Variants in MNAT1 observed in about 807,000 individuals in gnomAD.
MNAT1 encodes CDK-activating kinase assembly factor MAT1.
Under a neutral mutation model 42.0 loss-of-function variants are expected in MNAT1, and 43 were observed. That is an observed-to-expected ratio of 1.02 (90% CI 0.80 to 1.32). The LOEUF (loss-of-function observed/expected upper bound fraction) is 1.32, where lower values mean the gene tolerates loss of function less well. Ranked by LOEUF, MNAT1 falls within the 40% of genes most tolerant of loss-of-function variation. The pLI, the probability that MNAT1 is intolerant of heterozygous loss-of-function variation, is 0.00. For synonymous variants in MNAT1, 118 were observed against 120.0 expected, an observed-to-expected ratio of 0.98 and a Z score of 0.11; for missense variants, 306 against 350.4, an observed-to-expected ratio of 0.87 and a Z score of 1.01.
intron 7 of MNAT1, among the ~76,000 whole-genome samples, chr14:60,942,329 AG>A (rs1276852814): frequency 6.6e-6 from 1 of 152,172 alleles, no homozygotes; most frequent in African/African-American, 2.4e-5. Flanking sequence ...GCCCTCAAGC[AG>A]TGCCCAGAAG....
At chr14:60,873,665 C>T (rs1372408600) in intron 6 of MNAT1, among the ~76,000 whole-genome samples, 3 of 142,372 alleles carry the variant, frequency 2.1e-5, no homozygotes, top group African/African-American at 5.2e-5. Context: ...GTAGAGATGG[C>T]TCACTATGTT....
chr14:60,786,178 A>G (rs1162081156), intron 1 of MNAT1, among the ~76,000 whole-genome samples: 1 of 152,098 alleles, frequency 6.6e-6, no homozygotes, highest in African/African-American at 2.4e-5. Flanking sequence ...CTTTATAGTG[A>G]TTCTTTAAAA....
chr14:60,758,071 G>T (rs923325562), intron 1 of MNAT1, among the ~76,000 whole-genome samples: 2 of 152,082 alleles, frequency 1.3e-5, no homozygotes, highest in African/African-American at 4.8e-5. Flanking sequence ...GAAATCTGAG[G>T]TCATACTATA....
At chr14:60,875,602 C>T (rs2139456885) in intron 6 of MNAT1, among the ~76,000 whole-genome samples, 1 of 152,166 alleles carries the variant, frequency 6.6e-6, no homozygotes, top group Admixed American at 6.6e-5. Context: ...CTGAGATATA[C>T]ATACAAAACC....
chr14:60,966,403 C>G (rs371250585), intron 7 of MNAT1, among the ~76,000 whole-genome samples: 2 of 152,066 alleles, frequency 1.3e-5, no homozygotes, highest in East Asian at 3.9e-4. Flanking sequence ...CACAGGTGTG[C>G]GCCACCACAC....
In MNAT1 at chr14:60,902,861, A is replaced by G. The variant is rs554817618; in HGVS notation, c.809+23026A>G. On this transcript the variant is annotated intron_variant, in intron 7 of 7. Transcript: ENST00000261245. The stretch of plus-strand genomic sequence containing the variant: ...TGAAAACTATTAAATGTAATTTTCT[A>G]CATAATATTTTACTGAATTCTAATA... Among the ~76,000 whole-genome samples the G allele has an allele frequency of 2.6e-4, 40 of 152,222 alleles. 1 individual carries two copies. Among genetic ancestry groups the G allele is most frequent in the African/African-American group, 9.4e-4 (39 of 41,574 alleles).
chr14:60,753,452 T>C (rs2030192636), intron 1 of MNAT1: 1 of 152,246 alleles, frequency 6.6e-6, no homozygotes, highest in Non-Finnish European at 1.5e-5. Context: ...CTCAGTTCTT[T>C]ACTGTTATTT....
chr14:60,932,129 C>G (rs1379369451), intron 7 of MNAT1, among the ~76,000 whole-genome samples: 1 of 151,656 alleles, frequency 6.6e-6, no homozygotes, highest in Non-Finnish European at 1.5e-5. Flanking sequence ...TTGTACAAAC[C>G]TATATATTAG....
chr14:60,920,839 T>C (rs549882025), intron 7 of MNAT1, among the ~76,000 whole-genome samples: 123 of 152,318 alleles, frequency 8.1e-4, no homozygotes, highest in African/African-American at 2.9e-3. Flanking sequence ...TAATTTTTGT[T>C]TTTAAAAGGA....
At chr14:60,914,931 A>G (rs1470314970) in intron 7 of MNAT1, among the ~76,000 whole-genome samples, 1 of 152,228 alleles carries the variant, frequency 6.6e-6, no homozygotes, top group Non-Finnish European at 1.5e-5. Flanking sequence ...TTTGGAAGGA[A>G]AATTACCAAT....
intron 1 of MNAT1, among the ~76,000 whole-genome samples, chr14:60,771,739 G>A (rs1240337901): frequency 6.6e-6 from 1 of 152,016 alleles, no homozygotes; most frequent in African/African-American, 2.4e-5. Context: ...CTAACACTAC[G>A]TAATTTATCT....
At chr14:60,752,173 C>G (rs1384757179) in intron 1 of MNAT1, among the ~76,000 whole-genome samples, 1 of 151,770 alleles carries the variant, frequency 6.6e-6, no homozygotes, top group Non-Finnish European at 1.5e-5. Context: ...GATCTTATTT[C>G]TTGCTACTGA....
At chr14:60,821,861 A>G (rs1446680045) in intron 6 of MNAT1, among the ~76,000 whole-genome samples, 1 of 152,152 alleles carries the variant, frequency 6.6e-6, no homozygotes, top group Non-Finnish European at 1.5e-5. Context: ...TTTTGAATAA[A>G]TTATTCTCAT....
chr14:60,920,833 T>A (rs1208453098), intron 7 of MNAT1, among the ~76,000 whole-genome samples: 1 of 152,198 alleles, frequency 6.6e-6, no homozygotes, highest in African/African-American at 2.4e-5. Context: ...AGAGACTAAT[T>A]TTTGTTTTTA....
At chr14:60,783,099 A>G (rs2031522577) in intron 1 of MNAT1, among the ~76,000 whole-genome samples, 1 of 152,212 alleles carries the variant, frequency 6.6e-6, no homozygotes, top group African/African-American at 2.4e-5. Flanking sequence ...TAGATTTGCC[A>G]TAGAGTAACA....
At chr14:60,943,148 A>C (rs2139593295) in intron 7 of MNAT1, among the ~76,000 whole-genome samples, 1 of 142,530 alleles carries the variant, frequency 7.0e-6, no homozygotes, top group Admixed American at 7.6e-5. Flanking sequence ...TCCGCCTCCC[A>C]GAGAACCATG....
intron 7 of MNAT1, among the ~76,000 whole-genome samples, chr14:60,907,376 T>C (rs1369002806): frequency 7.2e-6 from 1 of 138,456 alleles, no homozygotes; most frequent in Non-Finnish European, 1.5e-5. Flanking sequence ...GAGGTTGCAG[T>C]GAGCTGAGAC....
At chr14:60,769,132 GA>G (rs2030951802) in intron 1 of MNAT1, among the ~76,000 whole-genome samples, 1 of 152,026 alleles carries the variant, frequency 6.6e-6, no homozygotes, top group Non-Finnish European at 1.5e-5. Flanking sequence ...TCCTCCCATA[GA>G]AATGACTACT....
chr14:60,876,770 G>A (rs538546374), intron 6 of MNAT1, among the ~76,000 whole-genome samples: 3 of 152,086 alleles, frequency 2.0e-5, no homozygotes, highest in South Asian at 4.1e-4. Context: ...TTCAAAGACT[G>A]AATAATACTC....
Sources: allele counts gnomAD v4.1 joint callset (sites outside exome capture counted in the v4.1 genomes callset), GRCh38; gene constraint gnomAD v4.1.1; transcripts MANE v1.5; gene names NCBI Gene and HGNC (gene_info 2026-07-23, HGNC 2026-07-21).